Variants in RYR2 observed in about 807,000 individuals in gnomAD.
RYR2 encodes the protein ryanodine receptor 2.
RYR2 carries 227 observed loss-of-function variants against 601.1 expected under a neutral mutation model. The ratio of observed to expected loss-of-function variants is 0.38; its 90% CI spans 0.34 to 0.42. RYR2 has a LOEUF of 0.42. Ranked by LOEUF, RYR2 falls within the 10% of genes least tolerant of loss-of-function variation. The probability of loss-of-function intolerance (pLI) is 1.00; values close to 1 mark genes in which losing one functional copy is unlikely to be tolerated. For synonymous variants in RYR2, 2,223 were observed against 2,175.1 expected (o/e 1.02, Z -0.61); for missense variants, 4,646 against 6,156.5 (o/e 0.75, Z 8.21).
At chr1:237,808,880 C>G in intron 99 of RYR2, 21 bp from the exon 100 acceptor site, 1 of 1,612,586 alleles carries the variant, frequency 6.2e-7, no homozygotes, top group Admixed American at 1.7e-5. Context: ...AATACCTGGT[C>G]CTTGTCACAT....
intron 81 of RYR2, among the ~76,000 whole-genome samples, 158 bp from the exon 82 acceptor site, chr1:237,757,539 G>A (rs184640069): frequency 6.6e-6 from 1 of 152,094 alleles, no homozygotes; most frequent in African/African-American, 2.4e-5. Flanking sequence ...TTATTATTAT[G>A]TTAGCATTTT....
intron 1 of RYR2, among the ~76,000 whole-genome samples, chr1:237,133,348 T>C (rs1042533478): frequency 2.6e-5 from 4 of 152,076 alleles, no homozygotes; most frequent in African/African-American, 9.7e-5. Context: ...TTTAGACCAT[T>C]GGTTTAGAAT....
At chr1:237,213,994 CACA>C (rs1682896421) in intron 1 of RYR2, among the ~76,000 whole-genome samples, 1 of 138,436 alleles carries the variant, frequency 7.2e-6, no homozygotes, top group Non-Finnish European at 1.5e-5. Context: ...GATCTCAGCT[CACA>C]ACAACCTCTG....
At chr1:237,746,858 TAATAATA>T in intron 80 of RYR2, among the ~76,000 whole-genome samples, 2 of 152,158 alleles carry the variant, frequency 1.3e-5, no homozygotes, top group Admixed American at 1.3e-4. Flanking sequence ...CTAAGGGAAA[TAATAATA>T]AATAATAATG....
chr1:237,808,654 C>CAAAAA (rs35162950), intron 99 of RYR2, among the ~76,000 whole-genome samples: 3 of 116,056 alleles, frequency 2.6e-5, no homozygotes, highest in Non-Finnish European at 5.7e-5. Flanking sequence ...AACTCTGTCT[C>CAAAAA]AAAAAAAAAA....
chr1:237,724,173 ATGTG>A (rs1223643326), intron 74 of RYR2, among the ~76,000 whole-genome samples: 1 of 117,570 alleles, frequency 8.5e-6, no homozygotes, highest in South Asian at 2.9e-4. Context: ...ACCTAAATGT[ATGTG>A]TGTGTGCATA....
chr1:237,610,825 C>CT lies in RYR2; in HGVS notation c.4747_4748insT (p.Pro1583LeufsTer31), dbSNP rs1677768338. 1.2e-6 allele frequency: 2 copies of CT among 1,612,338 alleles called. No individual in the cohort carries two copies. Among genetic ancestry groups the CT allele is most frequent in the Non-Finnish European group, 1.7e-6 (2 of 1,179,372 alleles). On this transcript the variant is annotated frameshift_variant, in exon 36 of 105. Transcript: ENST00000366574. LOFTEE classifies it high-confidence loss of function. The surrounding 1 kb of genome is among the most constrained non-coding windows in gnomAD (Gnocchi z 4.9). ...GCACAAGAACCCCGTGCCGCAGTGC[C>CT]CCCCGCGCCTCCACGTGCAGTTCCT...
At chr1:237,530,047 C>T (rs1667975623) in intron 24 of RYR2, among the ~76,000 whole-genome samples, 1 of 152,070 alleles carries the variant, frequency 6.6e-6, no homozygotes, top group African/African-American at 2.4e-5. Flanking sequence ...CGCGGTGGCT[C>T]ACACCTGTAA....
chr1:237,060,670 A>T (rs1262778650), intron 1 of RYR2, among the ~76,000 whole-genome samples: 1 of 152,180 alleles, frequency 6.6e-6, no homozygotes, highest in Non-Finnish European at 1.5e-5. Context: ...TGACAATGCA[A>T]TATGCACTCT....
chr1:237,683,613 AAAGG>A (rs1252983406), intron 62 of RYR2, among the ~76,000 whole-genome samples: 1 of 152,210 alleles, frequency 6.6e-6, no homozygotes, highest in Non-Finnish European at 1.5e-5. Flanking sequence ...AATTTAGGGG[AAAGG>A]TAGGTTATAT....
chr1:237,137,619 C>T (rs904310016), intron 1 of RYR2, among the ~76,000 whole-genome samples: 1 of 152,146 alleles, frequency 6.6e-6, no homozygotes, highest in South Asian at 2.1e-4. Flanking sequence ...GAAAGCAGTG[C>T]TTCTGTTTAT....
At position 237,106,363 on chromosome 1, in the gene RYR2, C is replaced by G. The variant is rs1242982478; in HGVS notation, c.48+63794C>G. Among the ~76,000 whole-genome samples the G allele has an allele frequency of 6.6e-6, 1 of 151,986 alleles. No individual in the cohort carries two copies. The highest frequency in any genetic ancestry group is 6.6e-5 in the Admixed American group (1 of 15,258). The stretch of plus-strand genomic sequence containing the variant: ...GGGAGGTGGCACCGAGCAGCAGGAC[C>G]CTGGATATTTTTTTGGACATAGAGC... On this transcript the variant is annotated intron_variant, in intron 1 of 104. Coordinates refer to ENST00000366574, the MANE Select transcript of RYR2 (RefSeq NM_001035.3). The surrounding 1 kb of genome is among the most constrained non-coding windows in gnomAD (Gnocchi z 4.4).
chr1:237,266,294 G>A (rs1211857620), intron 1 of RYR2, among the ~76,000 whole-genome samples: 2 of 151,784 alleles, frequency 1.3e-5, no homozygotes, highest in African/African-American at 2.4e-5. Context: ...TCAGTATTTG[G>A]CAGTGTTGGT....
intron 2 of RYR2, among the ~76,000 whole-genome samples, chr1:237,305,800 G>T (rs542703756): frequency 2.6e-5 from 4 of 152,192 alleles, no homozygotes; most frequent in East Asian, 1.9e-4. Flanking sequence ...AAAAACAGGA[G>T]AATGTTGTGG....
chr1:237,072,365 C>G (rs1350718147), intron 1 of RYR2, among the ~76,000 whole-genome samples: 1 of 152,322 alleles, frequency 6.6e-6, no homozygotes, highest in Non-Finnish European at 1.5e-5. Flanking sequence ...TTCCACTGAT[C>G]AGGGTCGGCT....
chr1:237,144,527 G>T (rs898109595), intron 1 of RYR2, among the ~76,000 whole-genome samples: 4 of 152,076 alleles, frequency 2.6e-5, no homozygotes, highest in African/African-American at 9.7e-5. Flanking sequence ...ACATTTCTGG[G>T]TCACAGAGCT....
intron 58 of RYR2, among the ~76,000 whole-genome samples, chr1:237,672,894 C>T (rs4659803): frequency 6.6e-6 from 1 of 152,186 alleles, no homozygotes; most frequent in Non-Finnish European, 1.5e-5. Flanking sequence ...CCAGCACCTT[C>T]CATGTATGAT....
At chr1:237,176,087 G>A (rs1470127060) in intron 1 of RYR2, among the ~76,000 whole-genome samples, 1 of 151,668 alleles carries the variant, frequency 6.6e-6, no homozygotes, top group Non-Finnish European at 1.5e-5. Flanking sequence ...CATTAGCCAG[G>A]CACGGTGGTG....
Position 237,293,351 on chromosome 1 carries a change from C to T in RYR2, c.168+22735C>T, listed in dbSNP as rs1339887813. On this transcript the variant is annotated intron_variant, in intron 2 of 104. Coordinates refer to ENST00000366574, the MANE Select transcript of RYR2 (RefSeq NM_001035.3). ...CCTCTCAAGTAGCTGGGACTACAGG[C>T]GCGTGCCACCACACCCGGCTAATTT... is the stretch of plus-strand genomic sequence containing the variant. Among the ~76,000 whole-genome samples the T allele has an allele frequency of 2.0e-5, 3 of 152,122 alleles. No individual in the cohort carries two copies. The East Asian group carries it at 5.8e-4, about 29-fold the overall frequency.
Sources: allele counts gnomAD v4.1 joint callset (sites outside exome capture counted in the v4.1 genomes callset), GRCh38; gene constraint gnomAD v4.1.1; non-coding constraint Gnocchi (gnomAD v3.1); transcripts MANE v1.5; gene names NCBI Gene and HGNC (gene_info 2026-07-23, HGNC 2026-07-21).